The following TACC2 variants were observed in gnomAD, a reference collection of about 807,000 sequenced individuals.
The protein encoded by TACC2 is transforming acidic coiled-coil-containing protein 2.
Under a neutral mutation model 227.3 loss-of-function variants are expected in TACC2, and 137 were observed. The ratio of observed to expected loss-of-function variants is 0.60; its 90% CI spans 0.52 to 0.69. TACC2 has a LOEUF of 0.69. Among genes scored for constraint, TACC2 ranks in the 30% least tolerant of loss-of-function variants. TACC2 has a pLI of 0.00. For missense variants in TACC2, 3,470 were observed against 3,694.4 expected (o/e 0.94, Z 1.57); for synonymous variants, 1,523 against 1,487.5 (o/e 1.02, Z -0.55).
At chr10:122,249,463 T>TC in intron 21 of TACC2, 81 bp from the exon 22 acceptor site, 1 of 1,558,676 alleles carries the variant, frequency 6.4e-7, no homozygotes, top group Non-Finnish European at 8.7e-7. Context: ...CAGGCCACTC[T>TC]CCCTGCCTGG....
chr10:122,224,929 G>A, intron 12 of TACC2, 142 bp downstream of exon 12: 2 of 685,346 alleles, frequency 2.9e-6, no homozygotes, highest in Admixed American at 2.3e-5. Flanking sequence ...GCACAGCAGT[G>A]ATGGACTGGG....
At chr10:122,193,940 CAG>C (rs1160225368) in intron 7 of TACC2, among the ~76,000 whole-genome samples, 3 of 152,034 alleles carry the variant, frequency 2.0e-5, no homozygotes, top group African/African-American at 7.2e-5. Context: ...TTTTAAGAGA[CAG>C]GGTCTTGCTC....
At chr10:122,027,325 T>C (rs1958161642) in intron 2 of TACC2, among the ~76,000 whole-genome samples, 1 of 152,222 alleles carries the variant, frequency 6.6e-6, no homozygotes, top group Non-Finnish European at 1.5e-5. Context: ...TATTATTGAG[T>C]TTTACAAGTT....
At chr10:122,189,022 A>G (rs750706619) in intron 7 of TACC2, among the ~76,000 whole-genome samples, 17 of 152,088 alleles carry the variant, frequency 1.1e-4, no homozygotes, top group Non-Finnish European at 2.2e-4. Context: ...TGTTGAAATC[A>G]TGTTCTTATT....
At chr10:122,133,493 A>T (rs1299991155) in intron 6 of TACC2, among the ~76,000 whole-genome samples, 6 of 152,082 alleles carry the variant, frequency 3.9e-5, no homozygotes, top group Non-Finnish European at 7.4e-5. Context: ...ACACATGTAC[A>T]CGTGTATGTC....
intron 8 of TACC2, among the ~76,000 whole-genome samples, chr10:122,197,896 C>T (rs1188441627): frequency 3.3e-5 from 5 of 152,182 alleles, no homozygotes; most frequent in Non-Finnish European, 4.4e-5. Context: ...ATTACGAAGG[C>T]GTGGGAAGGC....
intron 9 of TACC2, among the ~76,000 whole-genome samples, chr10:122,214,179 G>A (rs539653581): frequency 6.6e-6 from 1 of 152,266 alleles, no homozygotes; most frequent in Admixed American, 6.5e-5. Flanking sequence ...GGATAGGGTC[G>A]AGTCCATCAG....
chr10:122,125,924 G>A lies in TACC2; in HGVS notation c.5574-6685G>A, dbSNP rs540827736. 2.8e-4 allele frequency among the ~76,000 whole-genome samples: 42 copies of A among 151,946 alleles called. 1 individual carries two copies. The highest frequency in any genetic ancestry group is 1.2e-3 in the Admixed American group (18 of 15,276). On this transcript the variant is annotated intron_variant, in intron 5 of 22. Transcript: ENST00000369005. ...CCCGAGTAGCTGGGACTACAGGTGC[G>A]CGCCACCGCACCCAACTAATTTTTT...
At chr10:122,161,040 T>A (rs927389086) in intron 7 of TACC2, among the ~76,000 whole-genome samples, 1 of 152,156 alleles carries the variant, frequency 6.6e-6, no homozygotes, top group African/African-American at 2.4e-5. Flanking sequence ...CTTGCTGGAC[T>A]CAAGCACATC....
intron 7 of TACC2, among the ~76,000 whole-genome samples, chr10:122,152,999 C>CTTTCTTTTTTTTTTTTTTTTTTTT (rs71026005): frequency 2.2e-5 from 3 of 135,020 alleles, no homozygotes; most frequent in Admixed American, 7.8e-5. Context: ...TTCTTTCTTT[C>CTTTCTTTTTTTTTTTTTTTTTTTT]TTTTTTTTTT....
intron 3 of TACC2, among the ~76,000 whole-genome samples, chr10:122,058,325 G>A (rs77743657): frequency 0.039 from 5,961 of 152,174 alleles, 177 homozygotes; most frequent in Non-Finnish European, 0.06. Context: ...GCCTGCTTCC[G>A]GCTTCCGCTG....
intron 8 of TACC2, among the ~76,000 whole-genome samples, chr10:122,202,661 T>C (rs2094907531): frequency 6.7e-6 from 1 of 149,598 alleles, no homozygotes; most frequent in Non-Finnish European, 1.5e-5. Context: ...TTTTTCTTTC[T>C]TTCTTTTTTT....
chr10:122,206,120 G>A (rs769625017), intron 8 of TACC2, among the ~76,000 whole-genome samples: 2 of 152,122 alleles, frequency 1.3e-5, no homozygotes, highest in Admixed American at 6.5e-5. Flanking sequence ...ATGGAGAGGC[G>A]CCAGTGCGGG....
At chr10:122,167,170 G>T (rs959507555) in intron 7 of TACC2, among the ~76,000 whole-genome samples, 1 of 152,244 alleles carries the variant, frequency 6.6e-6, no homozygotes, top group Non-Finnish European at 1.5e-5. Flanking sequence ...GGCAAAGTCG[G>T]CCTGCCCCGA....
At chr10:122,229,614 T>G (rs1438823168) in intron 15 of TACC2, 128 bp downstream of exon 15, 2 of 1,058,420 alleles carry the variant, frequency 1.9e-6, no homozygotes, top group East Asian at 2.4e-5. Context: ...GTGACATATC[T>G]TCCCCTCAAA....
At position 122,216,496 on chromosome 10, in the gene TACC2, A is replaced by G. The variant is rs527426936; in HGVS notation, c.7345-131A>G. 5.8e-5 allele frequency: 45 copies of G among 782,034 alleles called. No homozygotes were observed. In the East Asian group the frequency reaches 6.8e-4, roughly 12 times the overall value. 48.4% of individuals were successfully genotyped at this position (782,034 alleles called of 1,614,324 possible). Reference sequence around the variant, plus strand: ...TTCCTTAATGGACCATTTGGAGCAGAGTCTGAGAAGAGCATGCAGAGGATT... The same window carrying G: ...TTCCTTAATGGACCATTTGGAGCAGGGTCTGAGAAGAGCATGCAGAGGATT... On this transcript the variant is annotated intron_variant, in intron 10 of 22. Transcript: ENST00000369005.
At chr10:122,176,103 CTCTCTCTCTCTCTCTATATATATA>C (rs755704716) in intron 7 of TACC2, among the ~76,000 whole-genome samples, 516 of 77,852 alleles carry the variant, frequency 6.6e-3, no homozygotes, top group African/African-American at 0.016. Flanking sequence ...CTCTCTCTCT[CTCTCTCTCTCTCTCTATATATATA>C]TATATATATA....
chr10:122,124,952 ACCCCCGCCCC>A (rs981686237), intron 5 of TACC2, among the ~76,000 whole-genome samples: 1 of 149,700 alleles, frequency 6.7e-6, no homozygotes, highest in African/African-American at 2.5e-5. Context: ...AACAAAAACA[ACCCCCGCCCC>A]CTCCCAGCCC....
rs2090552446 is a variant in TACC2 at position 122,141,550 on chromosome 10, G to A, written c.5700-2022G>A. On this transcript the variant is annotated intron_variant, in intron 6 of 22. Transcript: ENST00000369005. This position sits in a 1 kb window ranked among gnomAD's most constrained non-coding sequence, Gnocchi z 4.3. ...AGCTTGGTGAGTGAGCCTTGGTTGT[G>A]CTGCCCCAGGGTGTTCTCAGAGATG... 6.6e-6 allele frequency among the ~76,000 whole-genome samples: 1 copy of A among 152,080 alleles called. No homozygotes were observed. Among genetic ancestry groups the A allele is most frequent in the African/African-American group, 2.4e-5 (1 of 41,394 alleles).
Sources: gnomAD v4.1 joint callset for allele counts (sites outside exome capture counted in the v4.1 genomes callset) on GRCh38, gnomAD v4.1.1 for gene constraint, Gnocchi (gnomAD v3.1) non-coding constraint, MANE v1.5 for transcripts, NCBI Gene and HGNC (gene_info 2026-07-23, HGNC 2026-07-21) for gene names.